The following MAML1 variants were observed in gnomAD, a reference collection of about 807,000 sequenced individuals.
MAML1 encodes the protein mastermind-like protein 1.
Under a neutral mutation model 77.1 loss-of-function variants are expected in MAML1, and 14 were observed. The ratio of observed to expected loss-of-function variants is 0.18; its 90% CI spans 0.12 to 0.28. The LOEUF is 0.28. MAML1 is among the 10% of genes least tolerant of loss of function. MAML1 has a pLI of 1.00. For missense variants in MAML1, 1,217 were observed against 1,327.8 expected (o/e 0.92, Z 1.30); for synonymous variants, 516 against 551.9 (o/e 0.93, Z 0.91).
chr5:179,774,479 G>A lies in MAML1; in HGVS notation c.2653G>A (p.Val885Met), dbSNP rs756284644. The change falls in exon 5 of 5, where the codon GTG becomes ATG. Residue 885 changes from valine to methionine, a missense_variant. Transcript: ENST00000292599. ...GTCTAGCCCGCAATTCTCCCAGGCA[G>A]TGCCCAACAGGCCCATGGCTCCCAT... ...KMSSPQFSQA[V>M]PNRPMAPMSS... is the part of the protein sequence containing the mutation. 3.7e-6 allele frequency: 6 copies of A among 1,613,294 alleles called. No individual in the cohort carries two copies. Among genetic ancestry groups the A allele is most frequent in the Non-Finnish European group, 5.1e-6 (6 of 1,180,032 alleles).
At chr5:179,742,437 C>G (rs552412475) in intron 1 of MAML1, among the ~76,000 whole-genome samples, 1 of 151,236 alleles carries the variant, frequency 6.6e-6, no homozygotes, top group South Asian at 2.1e-4. Context: ...TGCAGTGAGC[C>G]GAGATCGTGA....
intron 1 of MAML1, among the ~76,000 whole-genome samples, chr5:179,759,225 C>G (rs557415141): frequency 1.3e-5 from 2 of 152,284 alleles, no homozygotes; most frequent in African/African-American, 2.4e-5. Flanking sequence ...CAAGTCTGTT[C>G]TGACAAAGGG....
rs112241050 is a variant in MAML1, at chr5:179,774,431, C to A, written c.2605C>A (p.Gln869Lys). The change falls in exon 5 of 5, where the codon CAG becomes AAG. Residue 869 changes from glutamine (Q) to lysine (K), a missense_variant. Transcript: ENST00000292599. Reference protein sequence around the residue: ...PFTAASSFHMQQQAHLKMSSP... With the variant: ...PFTAASSFHMKQQAHLKMSSP... ...CACTGCAGCCTCCAGTTTCCACATGCAGCAGCAGGCCCACCTGAAAATGTC... is the reference window on the plus strand; with the variant it reads ...CACTGCAGCCTCCAGTTTCCACATGAAGCAGCAGGCCCACCTGAAAATGTC... The A allele has an allele frequency of 2.3e-4, 363 of 1,612,800 alleles. No homozygotes were observed. Among genetic ancestry groups the A allele is most frequent in the Non-Finnish European group, 2.1e-4 (242 of 1,179,748 alleles).
chr5:179,765,284 A>C, intron 1 of MAML1, 42 bp from the exon 2 acceptor site: 19 of 1,478,866 alleles, frequency 1.3e-5, no homozygotes, highest in Non-Finnish European at 1.7e-5. Flanking sequence ...TAGCAGAGCA[A>C]ATTCATATGT....
chr5:179,766,722 C>A lies in MAML1; in HGVS notation c.1712C>A (p.Ser571Ter). 1.3e-6 allele frequency: 2 copies of A among 1,555,086 alleles called. No individual in the cohort carries two copies. The highest frequency in any genetic ancestry group is 1.2e-5 in the South Asian group (1 of 82,612). The part of the protein sequence containing the change: ...KPKPGNMPFR[S>*]LVPPGQEQNP... ...AAGCCAGGAAATATGCCTTTCCGATCACTGGTTCCACCTGGCCAGGTAAGT... is the reference window on the plus strand; with the variant it reads ...AAGCCAGGAAATATGCCTTTCCGATAACTGGTTCCACCTGGCCAGGTAAGT... Residue 571 changes from serine (S) to a stop codon, truncating the protein, a stop_gained, in exon 2 of 5, where the codon TCA becomes TAA. Transcript: ENST00000292599. LOFTEE classifies it high-confidence loss of function. The surrounding 1 kb of genome is among the most constrained non-coding windows in gnomAD (Gnocchi z 4.0).
Position 179,766,469 on chromosome 5 carries a change from G to A in MAML1, c.1459G>A (p.Val487Met), listed in dbSNP as rs1388094766. 11 of 1,611,454 alleles carry A rather than the reference G, an allele frequency of 6.8e-6. No homozygotes were observed. The highest frequency in any genetic ancestry group is 9.3e-6 in the Non-Finnish European group (11 of 1,178,782). ...PGGPYLQPSHVNLLSHQPPSN... is the reference protein window; with the variant it reads ...PGGPYLQPSHMNLLSHQPPSN... ...AGGCCCCTACCTCCAGCCCAGCCAT[G>A]TGAACCTGCTGAGTCACCAGCCACC... Residue 487 changes from valine (V) to methionine (M), a missense_variant, in exon 2 of 5, where the codon GTG becomes ATG. This residue lies in a region of MAML1 where 884 missense variants were observed against 949.3 expected (regional missense o/e 0.93). Transcript: ENST00000292599. This position sits in a 1 kb window ranked among gnomAD's most constrained non-coding sequence, Gnocchi z 4.0.
rs1193993168 is a variant in MAML1 at position 179,766,922 on chromosome 5, T to TA, written c.1731+187dup. Among the ~76,000 whole-genome samples, 1 of 152,182 alleles carries TA rather than the reference T, an allele frequency of 6.6e-6. No individual in the cohort carries two copies. The highest frequency in any genetic ancestry group is 2.4e-5 in the African/African-American group (1 of 41,446). On this transcript the variant is annotated intron_variant, in intron 2 of 4. Coordinates refer to ENST00000292599, the MANE Select transcript of MAML1 (RefSeq NM_014757.5). This position sits in a 1 kb window ranked among gnomAD's most constrained non-coding sequence, Gnocchi z 4.0. ...AAAATAAACCAGGGTTGATTGTTAATAAAAAATAGGGTAAAGTTCCCTGGC... is the reference window on the plus strand; with the variant it reads ...AAAATAAACCAGGGTTGATTGTTAATAAAAAAATAGGGTAAAGTTCCCTGGC...
rs1188457297 is a variant in MAML1, at chr5:179,733,085, C to T, written c.-28C>T. The T allele has an allele frequency of 3.1e-6, 4 of 1,279,502 alleles. No individual in the cohort carries two copies. The highest frequency in any genetic ancestry group is 3.0e-4 in the Middle Eastern group (1 of 3,324). The allele number at this position is 1,279,502 out of a possible 1,614,324, so 79.3% of individuals were successfully genotyped here. A position where few individuals can be genotyped will look rare whatever the true frequency, so the allele number is the denominator to read the frequency against. ...CAGCCGGCCCCGAGAGGCCCGGCCC[C>T]GGGCCCGGCCCGTGCAGCCCGCGGC... is the stretch of plus-strand genomic sequence containing the variant. On this transcript the variant is annotated 5_prime_UTR_variant, in exon 1 of 5. Coordinates refer to ENST00000292599, the MANE Select transcript of MAML1 (RefSeq NM_014757.5).
Position 179,774,056 on chromosome 5 carries a change from C to T in MAML1, c.2230C>T (p.Gln744Ter). ...AGGCCAACAGGACCGGGGTGTGGCT[C>T]AGTTCCCTGGCTCCCAAAACATGCC... ...NSGQQDRGVA[Q>*]FPGSQNMPQS... The change falls in exon 5 of 5, where the codon CAG becomes TAG. Residue 744 changes from glutamine (Q) to a stop codon, truncating the protein, a stop_gained. Transcript: ENST00000292599. LOFTEE classifies it high-confidence loss of function. The T allele has an allele frequency of 6.2e-7, 1 of 1,614,172 alleles. No homozygotes were observed. Among genetic ancestry groups the T allele is most frequent in the Non-Finnish European group, 8.5e-7 (1 of 1,180,046 alleles).
chr5:179,770,851 A>G (rs1307645473), intron 3 of MAML1: 1 of 293,916 alleles, frequency 3.4e-6, no homozygotes. Flanking sequence ...ACTTGTTATC[A>G]TCTGACTTTG....
chr5:179,753,019 C>G (rs946023231), intron 1 of MAML1, among the ~76,000 whole-genome samples: 1 of 152,158 alleles, frequency 6.6e-6, no homozygotes, highest in Non-Finnish European at 1.5e-5. Context: ...GTGATCCGCC[C>G]GTCTTGGCCT....
intron 1 of MAML1, among the ~76,000 whole-genome samples, chr5:179,752,546 TGAGTA>T (rs1779515194): frequency 6.7e-6 from 1 of 149,134 alleles, no homozygotes; most frequent in African/African-American, 2.4e-5. Context: ...TTAGTGCTGT[TGAGTA>T]ATGAGTACGT....
chr5:179,739,813 C>T (rs1779245345), intron 1 of MAML1, among the ~76,000 whole-genome samples: 1 of 152,168 alleles, frequency 6.6e-6, no homozygotes, highest in Non-Finnish European at 1.5e-5. Context: ...AATACTAGGC[C>T]ATTTTATGTA....
intron 1 of MAML1, among the ~76,000 whole-genome samples, chr5:179,735,219 G>A (rs1285366856): frequency 1.3e-5 from 2 of 152,000 alleles, no homozygotes; most frequent in African/African-American, 4.8e-5. Context: ...TAAATTTAAA[G>A]GCCGCCTGTG....
chr5:179,752,799 A>C (rs923534527), intron 1 of MAML1, among the ~76,000 whole-genome samples: 1 of 151,536 alleles, frequency 6.6e-6, no homozygotes, highest in South Asian at 2.1e-4. Flanking sequence ...TTTGAGAAGG[A>C]GTCTCACTCA....
intron 1 of MAML1, among the ~76,000 whole-genome samples, chr5:179,754,845 A>G (rs1050610940): frequency 6.6e-6 from 1 of 152,172 alleles, no homozygotes; most frequent in African/African-American, 2.4e-5. Flanking sequence ...AACAAAACAA[A>G]TTCAAGTTAT....
intron 1 of MAML1, among the ~76,000 whole-genome samples, chr5:179,758,360 G>A (rs971491394): frequency 4.7e-5 from 7 of 149,896 alleles, no homozygotes; most frequent in African/African-American, 1.7e-4. Context: ...ATTTTAGAAC[G>A]TTTAGACAGT....
rs1046720066 is a variant in MAML1 at position 179,775,886 on chromosome 5, G to A, written c.*1009G>A. On this transcript the variant is annotated 3_prime_UTR_variant, in exon 5 of 5. Transcript: ENST00000292599. The stretch of plus-strand genomic sequence containing the variant: ...CATTGGAGGGAAAGGAAGAGTCTTA[G>A]AATTCCTAAGGGAACCTTAGCATAA... 6 of 985,468 alleles carry A rather than the reference G, an allele frequency of 6.1e-6. No homozygotes were observed. The African/African-American group carries it at 1.0e-4, about 17-fold the overall frequency. 61.0% of individuals were successfully genotyped at this position (985,468 alleles called of 1,614,324 possible).
intron 1 of MAML1, among the ~76,000 whole-genome samples, chr5:179,749,953 T>TC (rs1562555819): frequency 6.6e-6 from 1 of 152,198 alleles, no homozygotes; most frequent in African/African-American, 2.4e-5. Flanking sequence ...TTCCCAAAAC[T>TC]CCAAGATCTT....
Sources: gnomAD v4.1 joint callset for allele counts (sites outside exome capture counted in the v4.1 genomes callset) on GRCh38, gnomAD v4.1.1 for gene constraint, gnomAD v4.1.1 regional missense constraint, Gnocchi (gnomAD v3.1) non-coding constraint, MANE v1.5 for transcripts, NCBI Gene and HGNC (gene_info 2026-07-23, HGNC 2026-07-21) for gene names.